Variants in CEPT1 observed in about 807,000 individuals in gnomAD.
The protein encoded by CEPT1 is choline/ethanolaminephosphotransferase 1.
A neutral mutation model predicts 42.6 loss-of-function variants in CEPT1; 7 were observed. The observed-to-expected ratio is 0.16, with a 90% CI of 0.09 to 0.31. CEPT1 has a LOEUF of 0.31. Among genes scored for constraint, CEPT1 ranks in the 10% least tolerant of loss-of-function variants. The pLI, the probability that CEPT1 is intolerant of heterozygous loss-of-function variation, is 1.00. For missense variants in CEPT1, 306 were observed against 502.1 expected (o/e 0.61, Z 3.73); for synonymous variants, 171 against 171.9 (o/e 0.99, Z 0.04).
At chr1:111,180,808 A>G (rs966639644) in intron 5 of CEPT1, 4 of 152,218 alleles carry the variant, frequency 2.6e-5, no homozygotes, top group Admixed American at 6.5e-5. Flanking sequence ...CACATTTGCT[A>G]TTTGATTTTA....
At position 111,174,972 on chromosome 1, in the gene CEPT1, G is replaced by A; in HGVS notation, c.714+9G>A. 1.3e-6 allele frequency: 2 copies of A among 1,546,170 alleles called. No homozygotes were observed. Among genetic ancestry groups the A allele is most frequent in the Non-Finnish European group, 1.8e-6 (2 of 1,118,594 alleles). ...CTTTTTGGCAATCTATGGTAACTTTGTTCACATTGTGTATCCCATGTAATG... is the reference window on the plus strand; with the variant it reads ...CTTTTTGGCAATCTATGGTAACTTTATTCACATTGTGTATCCCATGTAATG... On this transcript the variant is annotated intron_variant, in intron 5 of 8. Transcript: ENST00000357172.
At chr1:111,148,932 T>G (rs1655119120) in intron 2 of CEPT1, among the ~76,000 whole-genome samples, 2 of 152,218 alleles carry the variant, frequency 1.3e-5, no homozygotes, top group Non-Finnish European at 2.9e-5. Context: ...TCAGAGTGAT[T>G]CTGAGCTAAA....
intron 2 of CEPT1, 72 bp from the exon 3 acceptor site, chr1:111,159,308 G>A: frequency 6.8e-7 from 1 of 1,472,344 alleles, no homozygotes; most frequent in East Asian, 2.4e-5. Flanking sequence ...CCAACCTGCA[G>A]GTAAAAATAT....
chr1:111,182,970 G>T lies in CEPT1; in HGVS notation c.1005+13G>T. On this transcript the variant is annotated intron_variant, in intron 7 of 8. Coordinates refer to ENST00000357172, the MANE Select transcript of CEPT1 (RefSeq NM_006090.5). The stretch of plus-strand genomic sequence containing the variant: ...TAATAAGCTTGTGGTAAGCACCTGA[G>T]TTTTTATTTGCTGTGTTTTTCACTT... 6.2e-7 allele frequency: 1 copy of T among 1,602,652 alleles called. No homozygotes were observed. Among genetic ancestry groups the T allele is most frequent in the East Asian group, 2.2e-5 (1 of 44,570 alleles).
chr1:111,158,226 T>A (rs1287853438), intron 2 of CEPT1, among the ~76,000 whole-genome samples: 1 of 152,112 alleles, frequency 6.6e-6, no homozygotes, highest in East Asian at 1.9e-4. Flanking sequence ...TTGTGGCACA[T>A]GCCTATAATC....
At chr1:111,163,493 G>C (rs760431246) in intron 4 of CEPT1, among the ~76,000 whole-genome samples, 2 of 151,970 alleles carry the variant, frequency 1.3e-5, no homozygotes, top group Non-Finnish European at 2.9e-5. Flanking sequence ...AGCCAAGCAC[G>C]GTGGCGCATG....
At chr1:111,155,217 G>A (rs150963881) in intron 2 of CEPT1, among the ~76,000 whole-genome samples, 40 of 152,134 alleles carry the variant, frequency 2.6e-4, no homozygotes, top group African/African-American at 7.0e-4. Flanking sequence ...TAGGTTATAC[G>A]TGTCTAAAAG....
At chr1:111,172,070 T>C (rs1258546169) in intron 4 of CEPT1, among the ~76,000 whole-genome samples, 1 of 152,224 alleles carries the variant, frequency 6.6e-6, no homozygotes, top group Non-Finnish European at 1.5e-5. Context: ...CCAGTCAAGA[T>C]GTTCATGTAC....
intron 2 of CEPT1, among the ~76,000 whole-genome samples, chr1:111,151,974 C>T (rs1655300776): frequency 6.6e-6 from 1 of 152,112 alleles, no homozygotes; most frequent in Non-Finnish European, 1.5e-5. Flanking sequence ...GGCATGACTC[C>T]CCAGACCCCT....
At chr1:111,154,763 G>A (rs568007660) in intron 2 of CEPT1, among the ~76,000 whole-genome samples, 17 of 152,240 alleles carry the variant, frequency 1.1e-4, no homozygotes, top group East Asian at 3.9e-4. Context: ...TTAGTTCTTC[G>A]TTCTGTTGAT....
At chr1:111,153,556 T>G (rs1655398879) in intron 2 of CEPT1, among the ~76,000 whole-genome samples, 1 of 152,230 alleles carries the variant, frequency 6.6e-6, no homozygotes, top group Non-Finnish European at 1.5e-5. Context: ...ACCAATGTAC[T>G]GAAGCATTTC....
intron 2 of CEPT1, among the ~76,000 whole-genome samples, chr1:111,156,971 T>C (rs1256594412): frequency 6.6e-6 from 1 of 152,190 alleles, no homozygotes; most frequent in Non-Finnish European, 1.5e-5. Context: ...CATACACTTA[T>C]CAGGACATAA....
intron 4 of CEPT1, chr1:111,167,818 C>A: frequency 2.4e-6 from 2 of 844,762 alleles, no homozygotes; most frequent in African/African-American, 3.7e-5. Context: ...TGAATACTTT[C>A]CTTTTTTGTT....
chr1:111,149,501 G>T (rs1655156315), intron 2 of CEPT1, among the ~76,000 whole-genome samples: 1 of 152,170 alleles, frequency 6.6e-6, no homozygotes, highest in Non-Finnish European at 1.5e-5. Context: ...GACCTCAGGT[G>T]ATCCACCAAC....
At chr1:111,146,457 TTC>T (rs1308126259) in intron 1 of CEPT1, among the ~76,000 whole-genome samples, 5 of 152,294 alleles carry the variant, frequency 3.3e-5, no homozygotes, top group Admixed American at 1.3e-4. Context: ...TCTTTTTTTC[TTC>T]TGTTTCCTCA....
At chr1:111,151,123 TG>T (rs144944169) in intron 2 of CEPT1, among the ~76,000 whole-genome samples, 4 of 143,284 alleles carry the variant, frequency 2.8e-5, no homozygotes, top group African/African-American at 2.6e-5. Flanking sequence ...TGTTTTTTTT[TG>T]TTTGTTTTTT....
At chr1:111,173,608 A>G (rs573081421) in intron 4 of CEPT1, among the ~76,000 whole-genome samples, 1 of 152,232 alleles carries the variant, frequency 6.6e-6, no homozygotes, top group African/African-American at 2.4e-5. Context: ...TTGTTGAAAA[A>G]CTAGCATTAT....
intron 2 of CEPT1, among the ~76,000 whole-genome samples, chr1:111,148,578 C>T (rs1252891941): frequency 1.3e-5 from 2 of 152,100 alleles, no homozygotes; most frequent in Non-Finnish European, 2.9e-5. Context: ...AAGAAAAAGT[C>T]AATACAATGT....
chr1:111,176,162 A>C (rs1162177522), intron 5 of CEPT1, among the ~76,000 whole-genome samples: 1 of 152,170 alleles, frequency 6.6e-6, no homozygotes, highest in African/African-American at 2.4e-5. Context: ...CAACTGGGAA[A>C]ATTCTGAAAC....
Sources: gnomAD v4.1 joint callset for allele counts (sites outside exome capture counted in the v4.1 genomes callset) on GRCh38, gnomAD v4.1.1 for gene constraint, MANE v1.5 for transcripts, NCBI Gene and HGNC (gene_info 2026-07-23, HGNC 2026-07-21) for gene names.